SCNN1G: variants seen among roughly 807,000 people sequenced by gnomAD.
The protein encoded by SCNN1G is epithelial sodium channel subunit gamma.
In SCNN1G, 27 loss-of-function variants were observed where a neutral mutation model predicts 64.6. The ratio of observed to expected loss-of-function variants is 0.42; its 90% CI spans 0.31 to 0.58. The LOEUF is 0.58. Among genes scored for constraint, SCNN1G ranks in the 20% least tolerant of loss-of-function variants. The probability of loss-of-function intolerance (pLI) is 0.18; values close to 1 mark genes in which losing one functional copy is unlikely to be tolerated. For missense variants in SCNN1G, 743 were observed against 823.4 expected (o/e 0.90, Z 1.19); for synonymous variants, 330 against 314.2 (o/e 1.05, Z -0.53).
At chr16:23,207,573 G>A (rs764355797) in intron 6 of SCNN1G, among the ~76,000 whole-genome samples, 5 of 152,210 alleles carry the variant, frequency 3.3e-5, no homozygotes, top group Admixed American at 1.3e-4. Context: ...ACTCTTGTTA[G>A]TGAGAAGGGC....
At chr16:23,199,922 C>A (rs1959861395) in intron 6 of SCNN1G, among the ~76,000 whole-genome samples, 1 of 152,158 alleles carries the variant, frequency 6.6e-6, no homozygotes, top group South Asian at 2.1e-4. Context: ...CCGCCCGCCT[C>A]AGCCTCCCGA....
intron 6 of SCNN1G, among the ~76,000 whole-genome samples, chr16:23,199,487 A>G (rs1163389515): frequency 2.0e-5 from 3 of 152,008 alleles, no homozygotes; most frequent in Non-Finnish European, 4.4e-5. Context: ...TTGTCCCCCA[A>G]TGAGGATATA....
At chr16:23,198,512 CT>C (rs1317926132) in intron 6 of SCNN1G, among the ~76,000 whole-genome samples, 2 of 152,186 alleles carry the variant, frequency 1.3e-5, no homozygotes, top group Non-Finnish European at 2.9e-5. Flanking sequence ...GGGTGGATCA[CT>C]TGAGCCCAGA....
intron 1 of SCNN1G, among the ~76,000 whole-genome samples, chr16:23,184,902 G>A (rs1959581302): frequency 6.6e-6 from 1 of 152,170 alleles, no homozygotes; most frequent in Non-Finnish European, 1.5e-5. Flanking sequence ...AGAAGGCATA[G>A]GACGACACAG....
rs989681381 is a variant in SCNN1G, at chr16:23,216,629, A to G, written c.*1160A>G. On this transcript the variant is annotated 3_prime_UTR_variant, in exon 13 of 13. Transcript: ENST00000300061. ...GACCATGAACTAAGAATTTTATTTT[A>G]TTTTATTTTTTATTTTTTGTAGAAA... 8.5e-5 allele frequency: 13 copies of G among 152,054 alleles called. No homozygotes were observed. Among genetic ancestry groups the G allele is most frequent in the African/African-American group, 3.1e-4 (13 of 41,412 alleles). The allele number at this position is 152,054 out of a possible 1,614,324, so 9.4% of individuals were successfully genotyped here.
intron 1 of SCNN1G, among the ~76,000 whole-genome samples, chr16:23,184,906 G>A (rs1273840973): frequency 6.6e-6 from 1 of 152,260 alleles, no homozygotes; most frequent in South Asian, 2.1e-4. Flanking sequence ...GGCATAGGAC[G>A]ACACAGTTTT....
intron 7 of SCNN1G, among the ~76,000 whole-genome samples, chr16:23,211,085 T>C (rs577400637): frequency 1.1e-4 from 16 of 152,292 alleles, no homozygotes; most frequent in African/African-American, 3.6e-4. Flanking sequence ...CTGGATGACA[T>C]TTAGTGAGAA....
chr16:23,212,635 C>A, intron 8 of SCNN1G, 43 bp from the exon 9 acceptor site: 1 of 1,510,022 alleles, frequency 6.6e-7, no homozygotes, highest in Non-Finnish European at 9.2e-7. Context: ...AGGAAGGGTC[C>A]TGTGGCTCCA....
At chr16:23,193,166 C>G (rs1011023869) in intron 4 of SCNN1G, among the ~76,000 whole-genome samples, 6 of 151,216 alleles carry the variant, frequency 4.0e-5, no homozygotes, top group Non-Finnish European at 8.8e-5. Flanking sequence ...TGCCTATAAC[C>G]TAACCTTGTA....
intron 6 of SCNN1G, among the ~76,000 whole-genome samples, chr16:23,202,794 G>A (rs564134504): frequency 1.3e-5 from 2 of 152,342 alleles, no homozygotes; most frequent in Admixed American, 6.5e-5. Flanking sequence ...CTTGGGCAGG[G>A]AGATGGAGGA....
chr16:23,195,288 A>G (rs1260759654), intron 5 of SCNN1G, among the ~76,000 whole-genome samples: 1 of 152,208 alleles, frequency 6.6e-6, no homozygotes, highest in African/African-American at 2.4e-5. Flanking sequence ...CATTGCTACC[A>G]GTCTACCACC....
At position 23,211,980 on chromosome 16, in the gene SCNN1G, C is replaced by T; in HGVS notation, c.1177-54C>T. ...TGGGCTGAGGGATGTGCAGGAAACT[C>T]CCTGACATCCCTGAGCAAAGACATG... On this transcript the variant is annotated intron_variant, in intron 7 of 12. Coordinates refer to ENST00000300061, the MANE Select transcript of SCNN1G (RefSeq NM_001039.4). The T allele has an allele frequency of 2.3e-6, 3 of 1,330,434 alleles. No individual in the cohort carries two copies. In the South Asian group the frequency reaches 3.5e-5, roughly 16 times the overall value. The allele number at this position is 1,330,434 out of a possible 1,614,324, so 82.4% of individuals were successfully genotyped here. A position where few individuals can be genotyped will look rare whatever the true frequency, so the allele number is the denominator to read the frequency against.
intron 3 of SCNN1G, 37 bp from the exon 4 acceptor site, chr16:23,192,315 C>T (rs1959721691): frequency 6.5e-7 from 1 of 1,542,454 alleles, no homozygotes; most frequent in Non-Finnish European, 9.0e-7. Context: ...AGCGATAGGA[C>T]CGATGGCTTC....
At chr16:23,189,799 C>A in intron 3 of SCNN1G, 128 bp downstream of exon 3, 1 of 958,712 alleles carries the variant, frequency 1.0e-6, no homozygotes, top group Non-Finnish European at 1.7e-6. Flanking sequence ...GGGTCAGACA[C>A]AGTGACTCAT....
At position 23,199,663 on chromosome 16, in the gene SCNN1G, C is replaced by CTTTTTTTTTTTTTT. The variant is rs67132706; in HGVS notation, c.1077+2249_1077+2262dup. Among the ~76,000 whole-genome samples, 84 of 59,668 alleles carry CTTTTTTTTTTTTTT rather than the reference C, an allele frequency of 1.4e-3. 1 individual carries two copies. Among genetic ancestry groups the CTTTTTTTTTTTTTT allele is most frequent in the East Asian group, 2.1e-3 (3 of 1,458 alleles). 39.1% of individuals were successfully genotyped at this position (59,668 alleles called of 152,430 possible). A position where few individuals can be genotyped will look rare whatever the true frequency, so the allele number is the denominator to read the frequency against. ...TGATGTTTTTCTTTTCTTTTCTTTTCTTTTTTTTTTTTTTTTTTTTTTTTT... is the reference window on the plus strand; with the variant it reads ...TGATGTTTTTCTTTTCTTTTCTTTTCTTTTTTTTTTTTTTTTTTTTTTTTTTTTTTTTTTTTTTT... On this transcript the variant is annotated intron_variant, in intron 6 of 12. Coordinates refer to ENST00000300061, the MANE Select transcript of SCNN1G (RefSeq NM_001039.4).
chr16:23,197,395 A>T lies in SCNN1G; in HGVS notation c.1045A>T (p.Thr349Ser). Residue 349 changes from threonine to serine, a missense_variant, in exon 6 of 13, where the codon ACA becomes TCA. Coordinates refer to ENST00000300061, the MANE Select transcript of SCNN1G (RefSeq NM_001039.4). ...FVEDVGTEIETAMVTSIGMHL... is the reference protein window; with the variant it reads ...FVEDVGTEIESAMVTSIGMHL... The stretch of plus-strand genomic sequence containing the variant: ...CGAAGATGTGGGAACAGAGATTGAG[A>T]CAGCAATGGTCACCTCTATAGGAAT... 6.2e-7 allele frequency: 1 copy of T among 1,614,106 alleles called. No homozygotes were observed. Among genetic ancestry groups the T allele is most frequent in the Non-Finnish European group, 8.5e-7 (1 of 1,179,958 alleles).
chr16:23,193,510 A>G (rs1959745878), intron 4 of SCNN1G, among the ~76,000 whole-genome samples: 1 of 152,132 alleles, frequency 6.6e-6, no homozygotes, highest in African/African-American at 2.4e-5. Context: ...TTATCTGGGC[A>G]TAATGGCACA....
At chr16:23,200,831 A>T (rs573239429) in intron 6 of SCNN1G, among the ~76,000 whole-genome samples, 1 of 152,338 alleles carries the variant, frequency 6.6e-6, no homozygotes, top group African/African-American at 2.4e-5. Flanking sequence ...TGAGACAGCG[A>T]GATGATGAAC....
chr16:23,200,663 G>A (rs994370069), intron 6 of SCNN1G, among the ~76,000 whole-genome samples: 1 of 152,176 alleles, frequency 6.6e-6, no homozygotes, highest in Non-Finnish European at 1.5e-5. Context: ...TAATAAACCA[G>A]AAATAATACA....
Sources: gnomAD v4.1 joint callset for allele counts (sites outside exome capture counted in the v4.1 genomes callset) on GRCh38, gnomAD v4.1.1 for gene constraint, MANE v1.5 for transcripts, NCBI Gene and HGNC (gene_info 2026-07-23, HGNC 2026-07-21) for gene names.